The following ASTN2 variants were observed in gnomAD, a reference collection of about 807,000 sequenced individuals.
The protein encoded by ASTN2 is astrotactin 2.
Under a neutral mutation model 139.8 loss-of-function variants are expected in ASTN2, and 54 were observed. The observed-to-expected ratio is 0.39, with a 90% CI of 0.31 to 0.48. The LOEUF is 0.48. ASTN2 is among the 20% of genes least tolerant of loss of function. The pLI, the probability that ASTN2 is intolerant of heterozygous loss-of-function variation, is 0.95. For synonymous variants in ASTN2, 756 were observed against 719.5 expected (o/e 1.05, Z -0.81); for missense variants, 1,565 against 1,725.1 (o/e 0.91, Z 1.64).
At chr9:117,135,858 C>T (rs902833027) in intron 4 of ASTN2, among the ~76,000 whole-genome samples, 9 of 152,020 alleles carry the variant, frequency 5.9e-5, no homozygotes, top group African/African-American at 2.2e-4. Flanking sequence ...AGCACTCGGA[C>T]CTAGAAAGCA....
At chr9:117,320,762 G>A (rs974946187) in intron 1 of ASTN2, among the ~76,000 whole-genome samples, 58 of 152,186 alleles carry the variant, frequency 3.8e-4, no homozygotes, top group African/African-American at 1.3e-3. Context: ...CCTACAGTCA[G>A]GTGATCCTTC....
intron 16 of ASTN2, among the ~76,000 whole-genome samples, chr9:116,661,822 T>C (rs1370152150): frequency 6.6e-6 from 1 of 151,732 alleles, no homozygotes; most frequent in African/African-American, 2.4e-5. Context: ...ATGAGAACAC[T>C]TGGACACAGG....
At chr9:117,108,668 T>A (rs994980671) in intron 4 of ASTN2, among the ~76,000 whole-genome samples, 1 of 152,172 alleles carries the variant, frequency 6.6e-6, no homozygotes, top group Non-Finnish European at 1.5e-5. Context: ...TAGCATGGAA[T>A]CCTGGGAATA....
chr9:116,642,452 A>C (rs1857390454), intron 17 of ASTN2, among the ~76,000 whole-genome samples: 1 of 152,150 alleles, frequency 6.6e-6, no homozygotes, highest in African/African-American at 2.4e-5. Context: ...AAGTGCCCAG[A>C]ACAGTGTCTG....
chr9:117,334,250 T>C (rs923335120), intron 1 of ASTN2, among the ~76,000 whole-genome samples: 5 of 152,142 alleles, frequency 3.3e-5, no homozygotes, highest in Non-Finnish European at 7.4e-5. Flanking sequence ...ATAAAAGGGC[T>C]GGCATATGAT....
chr9:116,631,252 A>C (rs190024470), intron 17 of ASTN2, among the ~76,000 whole-genome samples: 10 of 152,358 alleles, frequency 6.6e-5, no homozygotes, highest in African/African-American at 2.4e-4. Flanking sequence ...AGATATCTGC[A>C]CTTTCAGCCT....
chr9:116,744,736 T>C (rs986823382), intron 13 of ASTN2, among the ~76,000 whole-genome samples: 1 of 152,158 alleles, frequency 6.6e-6, no homozygotes, highest in South Asian at 2.1e-4. Flanking sequence ...TTATTATTAG[T>C]ACTAATAACC....
intron 11 of ASTN2, among the ~76,000 whole-genome samples, chr9:116,843,661 A>C: frequency 1.8e-5 from 1 of 56,358 alleles, no homozygotes; most frequent in East Asian, 1.4e-3. Context: ...CTCTGTCTCA[A>C]AAAAAAAAAA....
intron 12 of ASTN2, among the ~76,000 whole-genome samples, chr9:116,814,979 G>C (rs7035176): frequency 0.28 from 41,841 of 152,106 alleles, 6,029 homozygotes; most frequent in East Asian, 0.49. Context: ...CAAGAACCTG[G>C]CATGAAAGTA....
chr9:117,047,003 G>A (rs1271721593), intron 5 of ASTN2, among the ~76,000 whole-genome samples: 2 of 152,102 alleles, frequency 1.3e-5, no homozygotes, highest in Non-Finnish European at 1.5e-5. Flanking sequence ...TGCAGAGGCC[G>A]CCAATCTGCC....
chr9:117,019,215 C>T (rs1337441837), intron 6 of ASTN2, among the ~76,000 whole-genome samples: 1 of 152,038 alleles, frequency 6.6e-6, no homozygotes, highest in Non-Finnish European at 1.5e-5. Flanking sequence ...GAGAAGGTGA[C>T]ATAATATTGT....
intron 19 of ASTN2, among the ~76,000 whole-genome samples, chr9:116,586,843 C>T (rs1326342802): frequency 6.7e-6 from 1 of 149,090 alleles, no homozygotes; most frequent in African/African-American, 2.5e-5. Context: ...CACACACACA[C>T]ACACACACAC....
At chr9:117,098,698 A>G (rs1044316414) in intron 4 of ASTN2, among the ~76,000 whole-genome samples, 10 of 151,408 alleles carry the variant, frequency 6.6e-5, no homozygotes, top group Admixed American at 5.9e-4. Flanking sequence ...GACCTCATGG[A>G]GATTTTGGAA....
intron 19 of ASTN2, among the ~76,000 whole-genome samples, chr9:116,535,691 C>G (rs1002680403): frequency 1.3e-5 from 2 of 152,184 alleles, no homozygotes; most frequent in African/African-American, 2.4e-5. Flanking sequence ...AGCCTCCACT[C>G]TCTTCGGCTT....
At chr9:116,912,821 A>G (rs1208676059) in intron 10 of ASTN2, among the ~76,000 whole-genome samples, 1 of 152,046 alleles carries the variant, frequency 6.6e-6, no homozygotes, top group Non-Finnish European at 1.5e-5. Context: ...GGCGGTTAAG[A>G]ACATCAACTT....
intron 13 of ASTN2, among the ~76,000 whole-genome samples, chr9:116,775,476 GGGGAAGAAGGGA>G (rs919430091): frequency 1.5e-5 from 2 of 135,838 alleles, no homozygotes; most frequent in African/African-American, 2.8e-5. Context: ...GGAGGCAGAT[GGGGAAGAAGGGA>G]GGGAAGAAGG....
intron 6 of ASTN2, among the ~76,000 whole-genome samples, chr9:117,028,145 T>C (rs929396984): frequency 1.3e-5 from 2 of 152,144 alleles, no homozygotes; most frequent in African/African-American, 4.8e-5. Flanking sequence ...AGCTGAAAGT[T>C]TGAATGTACA....
chr9:117,092,052 C>G (rs1587953839), intron 5 of ASTN2, among the ~76,000 whole-genome samples: 1 of 152,122 alleles, frequency 6.6e-6, no homozygotes, highest in East Asian at 1.9e-4. Flanking sequence ...TCACAATGAC[C>G]CTGTGAAGGA....
chr9:116,557,057 T>TA (rs1345507766), intron 19 of ASTN2, among the ~76,000 whole-genome samples: 1 of 151,082 alleles, frequency 6.6e-6, no homozygotes, highest in African/African-American at 2.4e-5. Context: ...CCGCCTCTAC[T>TA]AAAAAAATAC....
Sources: gnomAD v4.1 joint callset for allele counts (sites outside exome capture counted in the v4.1 genomes callset) on GRCh38, gnomAD v4.1.1 for gene constraint, MANE v1.5 for transcripts, NCBI Gene and HGNC (gene_info 2026-07-23, HGNC 2026-07-21) for gene names.